Variants in AP3S1 observed in about 807,000 individuals in gnomAD.
AP3S1 encodes the protein AP-3 complex subunit sigma-1.
Under a neutral mutation model 21.3 loss-of-function variants are expected in AP3S1, and 12 were observed. The ratio of observed to expected loss-of-function variants is 0.56; its 90% confidence interval spans 0.36 to 0.91. The LOEUF is 0.91. Ranked by LOEUF, AP3S1 falls within the 40% of genes least tolerant of loss-of-function variation. The pLI is 0.01. For missense variants in AP3S1, 116 were observed against 225.0 expected (o/e 0.52, Z 3.10); for synonymous variants, 48 against 78.4 (o/e 0.61, Z 2.05).
At chr5:115,880,838 C>G (rs1014523049) in intron 3 of AP3S1, among the ~76,000 whole-genome samples, 2 of 152,112 alleles carry the variant, frequency 1.3e-5, no homozygotes, top group Admixed American at 6.5e-5. Context: ...GTCTGAATCT[C>G]TTTGTATGTT....
At chr5:115,870,191 T>G in intron 3 of AP3S1, 63 bp downstream of exon 3, 1 of 1,010,494 alleles carries the variant, frequency 9.9e-7, no homozygotes, top group Non-Finnish European at 1.5e-6. Context: ...TTTTAAAAAC[T>G]TATATATTCT....
At chr5:115,873,988 C>T (rs1748493422) in intron 3 of AP3S1, among the ~76,000 whole-genome samples, 1 of 152,032 alleles carries the variant, frequency 6.6e-6, no homozygotes, top group African/African-American at 2.4e-5. Flanking sequence ...CTAAGGTATG[C>T]ATATGTTGTC....
At chr5:115,906,652 T>G (rs1751678882) in intron 5 of AP3S1, among the ~76,000 whole-genome samples, 2 of 148,116 alleles carry the variant, frequency 1.4e-5, no homozygotes, top group African/African-American at 2.5e-5. Context: ...TCCCTGGGGG[T>G]GGAGGTAGAG....
At chr5:115,869,481 C>T (rs1384008907) in intron 2 of AP3S1, among the ~76,000 whole-genome samples, 1 of 152,098 alleles carries the variant, frequency 6.6e-6, no homozygotes, top group Non-Finnish European at 1.5e-5. Flanking sequence ...ATCTACTGGC[C>T]TTTTTTCTCT....
chr5:115,848,120 G>C (rs1221386011), intron 1 of AP3S1, among the ~76,000 whole-genome samples: 3 of 146,280 alleles, frequency 2.1e-5, no homozygotes, highest in African/African-American at 8.0e-5. Context: ...TTTTCTAAAA[G>C]AAGGCCTTAC....
intron 3 of AP3S1, among the ~76,000 whole-genome samples, chr5:115,886,140 G>A (rs1459924676): frequency 6.6e-6 from 1 of 152,192 alleles, no homozygotes; most frequent in Non-Finnish European, 1.5e-5. Flanking sequence ...GCAAATGGTT[G>A]ATGATAAAAG....
chr5:115,906,341 G>A (rs1427219952), intron 5 of AP3S1, among the ~76,000 whole-genome samples: 1 of 151,946 alleles, frequency 6.6e-6, no homozygotes, highest in African/African-American at 2.4e-5. Context: ...TTTATCTAGG[G>A]GCCTTTGTCA....
At chr5:115,870,627 CTGGAGG>C (rs1748147691) in intron 3 of AP3S1, among the ~76,000 whole-genome samples, 1 of 152,210 alleles carries the variant, frequency 6.6e-6, no homozygotes. Context: ...GCCTTTGAGC[CTGGAGG>C]TGTAATCTTA....
chr5:115,888,365 G>A (rs561957587), intron 3 of AP3S1, among the ~76,000 whole-genome samples: 2 of 151,916 alleles, frequency 1.3e-5, no homozygotes, highest in South Asian at 4.2e-4. Flanking sequence ...ACTTCAGATT[G>A]TCAGTTATTT....
chr5:115,908,315 G>A (rs1330454984), intron 5 of AP3S1, among the ~76,000 whole-genome samples: 5 of 151,898 alleles, frequency 3.3e-5, no homozygotes, highest in Admixed American at 3.3e-4. Context: ...TAATCACTTG[G>A]GTCTGTTAAC....
At chr5:115,903,716 AATT>A (rs1751406182) in intron 5 of AP3S1, 1 of 152,160 alleles carries the variant, frequency 6.6e-6, no homozygotes. Context: ...CCTACTTCAG[AATT>A]GTAGTGACTC....
chr5:115,891,836 C>T (rs757071521), intron 3 of AP3S1, among the ~76,000 whole-genome samples: 11 of 152,202 alleles, frequency 7.2e-5, no homozygotes, highest in Non-Finnish European at 1.5e-4. Flanking sequence ...TGCAAAGCCA[C>T]AGGGTTGGAG....
chr5:115,858,757 CTTCT>C (rs1762963163), intron 1 of AP3S1, among the ~76,000 whole-genome samples: 1 of 150,598 alleles, frequency 6.6e-6, no homozygotes, highest in African/African-American at 2.4e-5. Flanking sequence ...TTCCCATGAG[CTTCT>C]TTATTTCTGA....
intron 3 of AP3S1, among the ~76,000 whole-genome samples, chr5:115,890,839 T>G (rs138033321): frequency 1.4e-4 from 22 of 152,354 alleles, no homozygotes; most frequent in Non-Finnish European, 2.4e-4. Context: ...CTAGTTTCTT[T>G]AAGCAGATGT....
At chr5:115,898,241 A>G (rs182421219) in intron 4 of AP3S1, among the ~76,000 whole-genome samples, 69 of 152,354 alleles carry the variant, frequency 4.5e-4, no homozygotes, top group African/African-American at 1.6e-3. Flanking sequence ...TTTTGCCACT[A>G]CAAACATGGA....
At chr5:115,876,456 A>G (rs973757350) in intron 3 of AP3S1, among the ~76,000 whole-genome samples, 1 of 152,180 alleles carries the variant, frequency 6.6e-6, no homozygotes, top group Non-Finnish European at 1.5e-5. Flanking sequence ...GTCCTAATGT[A>G]GAATGGTTGG....
chr5:115,886,098 G>T (rs920631972), intron 3 of AP3S1, among the ~76,000 whole-genome samples: 1 of 152,290 alleles, frequency 6.6e-6, no homozygotes, highest in South Asian at 2.1e-4. Flanking sequence ...TTAAGTGTTA[G>T]TGGTTAACCT....
intron 3 of AP3S1, among the ~76,000 whole-genome samples, chr5:115,872,365 C>T (rs1748341816): frequency 6.6e-6 from 1 of 152,028 alleles, no homozygotes; most frequent in Non-Finnish European, 1.5e-5. Flanking sequence ...CCATATTACT[C>T]TTAAATCTGT....
intron 5 of AP3S1, among the ~76,000 whole-genome samples, chr5:115,904,837 T>G (rs973111770): frequency 1.3e-5 from 2 of 152,214 alleles, no homozygotes; most frequent in African/African-American, 4.8e-5. Context: ...AGATTTTAAA[T>G]GCCAAGGGAC....
Sources: gnomAD v4.1 joint callset for allele counts (sites outside exome capture counted in the v4.1 genomes callset) on GRCh38, gnomAD v4.1.1 for gene constraint, MANE v1.5 for transcripts, NCBI Gene and HGNC (gene_info 2026-07-23, HGNC 2026-07-21) for gene names.